The following BRCA1 variants were observed in gnomAD, a reference collection of about 807,000 sequenced individuals.
The protein encoded by BRCA1 is breast cancer type 1 susceptibility protein.
A neutral mutation model predicts 173.7 loss-of-function variants in BRCA1; 140 were observed. That is an observed-to-expected ratio of 0.81 (90% confidence interval 0.70 to 0.93). The LOEUF is 0.93. Among genes scored for constraint, BRCA1 ranks in the 40% least tolerant of loss-of-function variants. The pLI is 0.00. For synonymous variants in BRCA1, 662 were observed against 756.0 expected (o/e 0.88, Z 2.04); for missense variants, 1,983 against 2,172.5 (o/e 0.91, Z 1.73).
In BRCA1 at chr17:43,131,715, C is replaced by A. The variant is rs573470205; in HGVS notation, c.-19-7600G>T. Among the ~76,000 whole-genome samples, 8 of 149,948 alleles carry A rather than the reference C, an allele frequency of 5.3e-5. 1 individual carries two copies. The South Asian group carries it at 1.7e-3, about 32-fold the overall frequency. On this transcript the variant is annotated intron_variant, in intron 1 of 7. Coordinates refer to the BRCA1 transcript ENST00000634433. ...CAGCCTCGGTGACAGAGCGAGACTC[C>A]GTCTCAAAAAAAAAAAAAGGATATC...
intron 2 of BRCA1, among the ~76,000 whole-genome samples, chr17:43,121,886 C>G (rs150513851): frequency 2.0e-5 from 3 of 152,056 alleles, no homozygotes; most frequent in Non-Finnish European, 1.5e-5. Flanking sequence ...TTATGACTCT[C>G]TCCCATGGAA....
chr17:43,139,369 C>CT (rs71228773), intron 1 of BRCA1, among the ~76,000 whole-genome samples: 3,683 of 142,416 alleles, frequency 0.026, 103 homozygotes, highest in African/African-American at 0.066. Flanking sequence ...TAGTTTTTTT[C>CT]TTTTTTTTTT....
chr17:43,136,783 A>T (rs2056028193), intron 1 of BRCA1, among the ~76,000 whole-genome samples: 1 of 152,218 alleles, frequency 6.6e-6, no homozygotes. Context: ...AGGAAACAAC[A>T]GGTGCTGGAG....
upstream of BRCA1, chr17:43,125,648 C>G: frequency 4.2e-6 from 1 of 235,452 alleles, no homozygotes; most frequent in Non-Finnish European, 8.7e-6. Context: ...CTTCCAGTTG[C>G]GGCTTATTGC....
chr17:43,051,390 T>C (rs1204942953), intron 19 of BRCA1, among the ~76,000 whole-genome samples: 1 of 152,138 alleles, frequency 6.6e-6, no homozygotes, highest in Non-Finnish European at 1.5e-5. Context: ...GGACTGAGCA[T>C]CTCACTTTTG....
At chr17:43,058,687 T>C (rs1379270878) in intron 18 of BRCA1, among the ~76,000 whole-genome samples, 1 of 152,238 alleles carries the variant, frequency 6.6e-6, no homozygotes, top group Non-Finnish European at 1.5e-5. Context: ...AAAAATTCCC[T>C]ATCTCCTAAA....
intron 18 of BRCA1, among the ~76,000 whole-genome samples, chr17:43,058,485 G>C (rs755548080): frequency 3.3e-5 from 5 of 152,196 alleles, no homozygotes; most frequent in Non-Finnish European, 5.9e-5. Context: ...TGGTAGACCA[G>C]GTGAAATGAC....
chr17:43,047,661 C>G lies in BRCA1; in HGVS notation c.5449G>C (p.Glu1817Gln), dbSNP rs80356868. 6.2e-7 allele frequency: 1 copy of G among 1,614,116 alleles called. No individual in the cohort carries two copies. Among genetic ancestry groups the G allele is most frequent in the Non-Finnish European group, 8.5e-7 (1 of 1,180,044 alleles). Residue 1817 changes from glutamate (E) to glutamine (Q), a missense_variant, in exon 22 of 23, where the codon GAG (glutamate) becomes CAG (glutamine). Coordinates refer to ENST00000357654, the MANE Select transcript of BRCA1 (RefSeq NM_007294.4). ...IVVVQPDAWT[E>Q]DNGFHAIGQM... ...ACCTTACCATGGAAGCCATTGTCCT[C>G]TGTCCAGGCATCTGGCTGCACAACC... is the stretch of plus-strand genomic sequence containing the variant.
chr17:43,111,809 G>A (rs1038662509), intron 3 of BRCA1, among the ~76,000 whole-genome samples: 16 of 152,176 alleles, frequency 1.1e-4, no homozygotes, highest in African/African-American at 2.9e-4. Context: ...GCGACAGAGC[G>A]AGACTCCGTC....
chr17:43,102,510 C>A (rs2054531703), intron 6 of BRCA1, among the ~76,000 whole-genome samples: 1 of 151,772 alleles, frequency 6.6e-6, no homozygotes, highest in African/African-American at 2.4e-5. Flanking sequence ...GCACGTGCCA[C>A]CACACCCAGC....
Position 43,070,811 on chromosome 17 carries a change from T to C in BRCA1, c.4986+117A>G, listed in dbSNP as rs575952408. The C allele has an allele frequency of 8.2e-6, 10 of 1,215,018 alleles. No individual in the cohort carries two copies. The African/African-American group carries it at 1.5e-4, about 18-fold the overall frequency. 75.3% of individuals were successfully genotyped at this position (1,215,018 alleles called of 1,614,324 possible). On this transcript the variant is annotated intron_variant, in intron 15 of 22. Transcript: ENST00000357654. ...TAATCGAAATTAAATTACACAGAAC[T>C]GTGATTGTTTTCTAGATTTCTTCCT...
chr17:43,121,831 T>C (rs1256791186), intron 2 of BRCA1, among the ~76,000 whole-genome samples: 1 of 152,212 alleles, frequency 6.6e-6, no homozygotes, highest in Non-Finnish European at 1.5e-5. Context: ...TCTGAGTTTT[T>C]AATTGATGGT....
At chr17:43,050,253 G>A (rs908483194) in intron 20 of BRCA1, 3 of 396,014 alleles carry the variant, frequency 7.6e-6, no homozygotes, top group African/African-American at 6.2e-5. Flanking sequence ...CAACTCCAGA[G>A]GTAAGCTTTA....
chr17:43,144,547 A>G (rs2056104508), intron 1 of BRCA1, among the ~76,000 whole-genome samples: 1 of 152,142 alleles, frequency 6.6e-6, no homozygotes, highest in Non-Finnish European at 1.5e-5. Flanking sequence ...CAAGGCAGGG[A>G]AAGATGGCCC....
chr17:43,123,289 G>A (rs1444405525), intron 2 of BRCA1, among the ~76,000 whole-genome samples: 2 of 149,748 alleles, frequency 1.3e-5, no homozygotes, highest in Admixed American at 6.7e-5. Context: ...TATGTACAGA[G>A]CCAGTTTCAA....
Position 43,093,636 on chromosome 17 carries a change from C to T in BRCA1, c.1895G>A (p.Ser632Asn), listed in dbSNP as rs80356983. Residue 632 changes from serine (S) to asparagine (N), a missense_variant, in exon 10 of 23, where the codon AGC becomes AAC. Coordinates refer to ENST00000357654, the MANE Select transcript of BRCA1 (RefSeq NM_007294.4). ...TTGCAATTCAGTACAATTAGGTGGGCTTAGATTTCTACTGACTACTAGTTC... is the reference window on the plus strand; with the variant it reads ...TTGCAATTCAGTACAATTAGGTGGGTTTAGATTTCTACTGACTACTAGTTC... ...ALELVVSRNL[S>N]PPNCTELQID... 4 of 1,613,982 alleles carry T rather than the reference C, an allele frequency of 2.5e-6. No individual in the cohort carries two copies. The highest frequency in any genetic ancestry group is 3.3e-4 in the Middle Eastern group (2 of 6,062).
chr17:43,091,240 A>G lies in BRCA1; in HGVS notation c.4096+195T>C, dbSNP rs1382987358. 4.6e-6 allele frequency: 4 copies of G among 862,476 alleles called. No individual in the cohort carries two copies. The African/African-American group carries it at 6.8e-5, about 15-fold the overall frequency. The allele number at this position is 862,476 out of a possible 1,614,324, so 53.4% of individuals were successfully genotyped here. ...GTAATTAGGATGTTAAAGCTCATTC[A>G]GTCAAAGATGACGTCCTAGCTGTGT... On this transcript the variant is annotated intron_variant, in intron 10 of 22. Coordinates refer to ENST00000357654, the MANE Select transcript of BRCA1 (RefSeq NM_007294.4).
chr17:43,120,495 G>A (rs541237054), intron 2 of BRCA1, among the ~76,000 whole-genome samples: 1 of 152,368 alleles, frequency 6.6e-6, no homozygotes, highest in South Asian at 2.1e-4. Flanking sequence ...GCCGGGCGCG[G>A]TGGCTCACGC....
At chr17:43,046,718 G>A (rs2050931977) in intron 22 of BRCA1, among the ~76,000 whole-genome samples, 1 of 146,456 alleles carries the variant, frequency 6.8e-6, no homozygotes, top group Non-Finnish European at 1.5e-5. Flanking sequence ...CTGGGCCACT[G>A]CACTCCAGCC....
Sources: gnomAD v4.1 joint callset for allele counts (sites outside exome capture counted in the v4.1 genomes callset) on GRCh38, gnomAD v4.1.1 for gene constraint, MANE v1.5 for transcripts, NCBI Gene and HGNC (gene_info 2026-07-23, HGNC 2026-07-21) for gene names.